Variants in PILRA observed in about 807,000 individuals in gnomAD.
The protein encoded by PILRA is paired immunoglobin like type 2 receptor alpha.
Under a neutral mutation model 33.1 loss-of-function variants are expected in PILRA, and 37 were observed. The observed-to-expected ratio is 1.12, with a 90% CI of 0.86 to 1.47. The LOEUF is 1.47. Ranked by LOEUF, PILRA falls within the 40% of genes most tolerant of loss-of-function variation. PILRA has a pLI of 0.00. For missense variants in PILRA, 312 were observed against 376.2 expected (o/e 0.83, Z 1.41); for synonymous variants, 146 against 149.9 (o/e 0.97, Z 0.19).
At chr7:100,392,339 G>A (rs1163712125) in intron 3 of PILRA, among the ~76,000 whole-genome samples, 3 of 152,110 alleles carry the variant, frequency 2.0e-5, no homozygotes, top group East Asian at 1.9e-4. Context: ...CAGAGGGGAG[G>A]AGCATGGGGT....
chr7:100,387,945 C>G (rs1321759814), intron 2 of PILRA, among the ~76,000 whole-genome samples: 1 of 152,086 alleles, frequency 6.6e-6, no homozygotes, highest in Non-Finnish European at 1.5e-5. Context: ...TTACAGCTGG[C>G]TCCTCCTGTT....
chr7:100,389,989 C>T lies in PILRA; in HGVS notation c.556C>T (p.Arg186Cys), dbSNP rs761680244. The T allele has an allele frequency of 1.8e-5, 29 of 1,614,102 alleles. No individual in the cohort carries two copies. The highest frequency in any genetic ancestry group is 1.6e-4 in the Middle Eastern group (1 of 6,062). ...TGLRVTQGKR[R>C]SDSWHISLET... Reference sequence around the variant, plus strand: ...CCTCAGGGTCACACAGGGCAAACGACGCTCAGACTCTTGGCACATAAGTCT... The same window carrying T: ...CCTCAGGGTCACACAGGGCAAACGATGCTCAGACTCTTGGCACATAAGTCT... The change falls in exon 3 of 7, where the codon CGC (arginine) becomes TGC (cysteine). Residue 186 changes from arginine to cysteine, a missense_variant. Arg to Cys is a radical substitution (Grantham distance 180). Coordinates refer to ENST00000198536, the MANE Select transcript of PILRA (RefSeq NM_013439.3).
upstream of PILRA, among the ~76,000 whole-genome samples, chr7:100,371,805 TC>T (rs1790820612): frequency 6.6e-6 from 1 of 152,110 alleles, no homozygotes; most frequent in Admixed American, 6.6e-5. Flanking sequence ...GATGAACAAA[TC>T]CAGGAGACCT....
At chr7:100,389,404 T>C (rs540355340) in intron 2 of PILRA, among the ~76,000 whole-genome samples, 1 of 152,314 alleles carries the variant, frequency 6.6e-6, no homozygotes, top group African/African-American at 2.4e-5. Flanking sequence ...AAATGACATA[T>C]TTTATGTTAC....
At chr7:100,397,740 T>TC (rs1791529526) in intron 3 of PILRA, 139 bp from the exon 4 acceptor site, 1 of 832,794 alleles carries the variant, frequency 1.2e-6, no homozygotes, top group African/African-American at 1.7e-5. Context: ...CCCAGGCCCT[T>TC]CCTGATGGGT....
chr7:100,389,824 C>T (rs1216004780), intron 2 of PILRA, 64 bp from the exon 3 acceptor site: 67 of 1,376,130 alleles, frequency 4.9e-5, no homozygotes, highest in Non-Finnish European at 6.5e-5. Flanking sequence ...CAGCACACCA[C>T]GCCTTTCACC....
chr7:100,374,764 A>C, intron 2 of PILRA: 3 of 392,826 alleles, frequency 7.6e-6, no homozygotes, highest in Admixed American at 3.7e-5. Context: ...CTCTCCCCAT[A>C]ACCTCCAGGC....
At chr7:100,379,938 A>G (rs1791049815) in intron 2 of PILRA, among the ~76,000 whole-genome samples, 1 of 152,212 alleles carries the variant, frequency 6.6e-6, no homozygotes, top group Admixed American at 6.5e-5. Flanking sequence ...ATGGCAATTT[A>G]TACCACAAAA....
chr7:100,396,610 C>T (rs1791497586), intron 3 of PILRA, among the ~76,000 whole-genome samples: 1 of 152,124 alleles, frequency 6.6e-6, no homozygotes, highest in South Asian at 2.1e-4. Context: ...CTAGATCACA[C>T]CACTGCACTC....
chr7:100,384,634 A>T (rs531506675), intron 2 of PILRA, among the ~76,000 whole-genome samples: 194 of 151,854 alleles, frequency 1.3e-3, no homozygotes, highest in Middle Eastern at 3.4e-3. Flanking sequence ...ATTTTTTTTT[A>T]AAAATTATCT....
At chr7:100,375,090 A>G (rs573612666) in intron 2 of PILRA, among the ~76,000 whole-genome samples, 4 of 146,734 alleles carry the variant, frequency 2.7e-5, no homozygotes, top group African/African-American at 1.0e-4. Context: ...TCCATCCTTT[A>G]CCCTCCTCAC....
At chr7:100,399,738 A>G (rs1174153740) in intron 6 of PILRA, 47 bp from the exon 7 acceptor site, 2 of 1,611,604 alleles carry the variant, frequency 1.2e-6, no homozygotes, top group Non-Finnish European at 1.7e-6. Context: ...AGATGGGAAC[A>G]GCTCCGTCTC....
At chr7:100,384,440 T>TAGTAGAGATAGGG in intron 2 of PILRA, among the ~76,000 whole-genome samples, 1 of 150,512 alleles carries the variant, frequency 6.6e-6, no homozygotes, top group Non-Finnish European at 1.5e-5. Flanking sequence ...TTTTTTTTTT[T>TAGTAGAGATAGGG]TTTTTGAGAC....
intron 2 of PILRA, among the ~76,000 whole-genome samples, chr7:100,377,076 A>G (rs1790968100): frequency 6.6e-6 from 1 of 151,686 alleles, no homozygotes; most frequent in Non-Finnish European, 1.5e-5. Context: ...AAATTTTTTA[A>G]TCCAGCTGAA....
intron 2 of PILRA, among the ~76,000 whole-genome samples, chr7:100,389,597 G>A (rs1340358490): frequency 6.8e-6 from 1 of 147,078 alleles, no homozygotes; most frequent in Admixed American, 6.9e-5. Flanking sequence ...AGAAATGGAA[G>A]GAAGGAAGAA....
chr7:100,391,527 A>C (rs1282444304), intron 3 of PILRA, among the ~76,000 whole-genome samples: 1 of 151,924 alleles, frequency 6.6e-6, no homozygotes, highest in African/African-American at 2.4e-5. Flanking sequence ...TATCTACAGA[A>C]AATACAAAAA....
chr7:100,373,555 C>A lies in PILRA; in HGVS notation c.-102C>A. ...AGCCCTCTTCGGAGCCTGAGCCCGG[C>A]TCTCCTCACTCACCTCAACCCCCAG... On this transcript the variant is annotated 5_prime_UTR_variant, in exon 1 of 7. Coordinates refer to ENST00000198536, the MANE Select transcript of PILRA (RefSeq NM_013439.3). The A allele has an allele frequency of 7.4e-7, 1 of 1,346,304 alleles. No individual in the cohort carries two copies. 83.4% of individuals were successfully genotyped at this position (1,346,304 alleles called of 1,614,324 possible). A position where few individuals can be genotyped will look rare whatever the true frequency, so the allele number is the denominator to read the frequency against.
upstream of PILRA, among the ~76,000 whole-genome samples, chr7:100,372,592 A>G (rs1490896872): frequency 1.3e-5 from 2 of 152,176 alleles, no homozygotes; most frequent in Non-Finnish European, 2.9e-5. Flanking sequence ...AGATGGGCCC[A>G]GGACTGTGTG....
chr7:100,392,972 A>T (rs1488122744), intron 3 of PILRA, among the ~76,000 whole-genome samples: 1 of 152,194 alleles, frequency 6.6e-6, no homozygotes, highest in African/African-American at 2.4e-5. Context: ...CAAGCCCCAA[A>T]GCCATGGATT....
Sources: allele counts gnomAD v4.1 joint callset (sites outside exome capture counted in the v4.1 genomes callset), GRCh38; gene constraint gnomAD v4.1.1; transcripts MANE v1.5; gene names NCBI Gene and HGNC (gene_info 2026-07-23, HGNC 2026-07-21).